PACSIN2: variants seen among roughly 807,000 people sequenced by gnomAD.
The protein encoded by PACSIN2 is protein kinase C and casein kinase substrate in neurons 2.
A neutral mutation model predicts 63.8 loss-of-function variants in PACSIN2; 25 were observed. That is an observed-to-expected ratio of 0.39 (90% confidence interval 0.29 to 0.55). The LOEUF (loss-of-function observed/expected upper bound fraction) is 0.55. Ranked by LOEUF, PACSIN2 falls within the 20% of genes least tolerant of loss-of-function variation. The pLI is 0.62. For synonymous variants in PACSIN2, 255 were observed against 256.2 expected, an observed-to-expected ratio of 1.00 and a Z score of 0.05; for missense variants, 518 against 646.9, an observed-to-expected ratio of 0.80 and a Z score of 2.16.
At chr22:42,920,628 G>A (rs1932120938) in intron 1 of PACSIN2, among the ~76,000 whole-genome samples, 1 of 152,046 alleles carries the variant, frequency 6.6e-6, no homozygotes, top group Non-Finnish European at 1.5e-5. Context: ...CATGGTGGAG[G>A]ACGTGCTGGA....
At chr22:42,981,906 G>T (rs1601601415) in intron 1 of PACSIN2, among the ~76,000 whole-genome samples, 1 of 81,672 alleles carries the variant, frequency 1.2e-5, no homozygotes, top group African/African-American at 4.7e-5. Flanking sequence ...CAGCCGCCCC[G>T]TCCGGGAGGT....
At chr22:42,940,348 C>G (rs12106537) in intron 1 of PACSIN2, among the ~76,000 whole-genome samples, 1 of 152,222 alleles carries the variant, frequency 6.6e-6, no homozygotes, top group South Asian at 2.1e-4. Context: ...GTCTTCATCT[C>G]TGAATCTCAG....
At chr22:42,954,707 G>A (rs989108712) in intron 1 of PACSIN2, among the ~76,000 whole-genome samples, 15 of 152,172 alleles carry the variant, frequency 9.9e-5, no homozygotes, top group African/African-American at 3.6e-4. Flanking sequence ...TTCAAGTCTG[G>A]AGAAAGGGAA....
At chr22:43,006,403 T>G (rs1924095332) in intron 1 of PACSIN2, among the ~76,000 whole-genome samples, 1 of 152,214 alleles carries the variant, frequency 6.6e-6, no homozygotes, top group Non-Finnish European at 1.5e-5. Context: ...AAGGGCTGTA[T>G]GACTCCAAAA....
intron 1 of PACSIN2, among the ~76,000 whole-genome samples, chr22:42,919,813 A>G (rs559481893): frequency 6.9e-6 from 1 of 144,800 alleles, no homozygotes; most frequent in African/African-American, 2.6e-5. Flanking sequence ...AAAGAAAGAA[A>G]AAGAAAAAGA....
intron 1 of PACSIN2, among the ~76,000 whole-genome samples, chr22:43,005,202 C>A: frequency 6.6e-6 from 1 of 152,204 alleles, no homozygotes; most frequent in Admixed American, 6.5e-5. Context: ...CATTTGCTTT[C>A]TAAGTCCTAT....
chr22:42,897,297 A>G (rs1242850391), intron 2 of PACSIN2, among the ~76,000 whole-genome samples: 2 of 152,032 alleles, frequency 1.3e-5, no homozygotes, highest in Admixed American at 6.5e-5. Context: ...AGTTTTTACA[A>G]TGCAAGAAAA....
intron 1 of PACSIN2, among the ~76,000 whole-genome samples, chr22:42,955,534 T>G (rs562972273): frequency 5.6e-4 from 85 of 152,156 alleles, no homozygotes; most frequent in African/African-American, 1.9e-3. Flanking sequence ...CCTCACATCA[T>G]GACTTTTCAT....
At chr22:42,926,745 C>T (rs1932560620) in intron 1 of PACSIN2, among the ~76,000 whole-genome samples, 1 of 151,780 alleles carries the variant, frequency 6.6e-6, no homozygotes, top group African/African-American at 2.4e-5. Flanking sequence ...GGTGGGAGGA[C>T]TGCTTGAGCC....
chr22:42,985,272 A>G (rs1279501290), intron 1 of PACSIN2, among the ~76,000 whole-genome samples: 1 of 152,216 alleles, frequency 6.6e-6, no homozygotes, highest in African/African-American at 2.4e-5. Flanking sequence ...GGTTGCAGTG[A>G]GCCGAGATCT....
At chr22:42,982,086 C>G (rs1922206501) in intron 1 of PACSIN2, among the ~76,000 whole-genome samples, 2 of 105,438 alleles carry the variant, frequency 1.9e-5, no homozygotes, top group Admixed American at 8.5e-5. Flanking sequence ...GAAGTGAGGA[C>G]CCCTCTGCCC....
rs766681987 is a variant in PACSIN2, at chr22:42,888,732, C to T, written c.520G>A (p.Ala174Thr). ...AGGGATGGGTCTGCCTTGCTGTTGGCTTCTCGTGAGATAGCCAGCTTCTCC... is the reference window on the plus strand; with the variant it reads ...AGGGATGGGTCTGCCTTGCTGTTGGTTTCTCGTGAGATAGCCAGCTTCTCC... ...KEEKLAISRE[A>T]NSKADPSLNP... is the part of the protein sequence containing the mutation. The change falls in exon 5 of 11, where the codon GCC becomes ACC. Residue 174 changes from alanine (A) to threonine (T), a missense_variant. Coordinates refer to ENST00000263246, the MANE Select transcript of PACSIN2 (RefSeq NM_001184970.3). 5 of 1,614,038 alleles carry T rather than the reference C, an allele frequency of 3.1e-6. No homozygotes were observed. In the South Asian group the frequency reaches 4.4e-5, roughly 14 times the overall value.
intron 1 of PACSIN2, among the ~76,000 whole-genome samples, chr22:42,941,686 T>C (rs1011588463): frequency 6.6e-6 from 1 of 152,238 alleles, no homozygotes; most frequent in Non-Finnish European, 1.5e-5. Flanking sequence ...ATTTGTATAC[T>C]ATCTTTGAAG....
At chr22:42,965,798 T>A (rs5759060) in intron 1 of PACSIN2, among the ~76,000 whole-genome samples, 1 of 152,094 alleles carries the variant, frequency 6.6e-6, no homozygotes, top group African/African-American at 2.4e-5. Flanking sequence ...GTGTCAGCAA[T>A]AGGTTTCAAT....
chr22:42,973,877 A>C (rs1921500550), intron 1 of PACSIN2, among the ~76,000 whole-genome samples: 1 of 152,250 alleles, frequency 6.6e-6, no homozygotes, highest in Non-Finnish European at 1.5e-5. Context: ...CCACGAGAGA[A>C]ATGGCAGCCT....
At chr22:42,890,229 T>G (rs1929805890) in intron 4 of PACSIN2, among the ~76,000 whole-genome samples, 1 of 152,062 alleles carries the variant, frequency 6.6e-6, no homozygotes, top group African/African-American at 2.4e-5. Context: ...CTCAATCTCC[T>G]GACCTCGTGA....
At chr22:43,012,120 G>A (rs902501384) in intron 1 of PACSIN2, among the ~76,000 whole-genome samples, 19 of 151,240 alleles carry the variant, frequency 1.3e-4, no homozygotes, top group African/African-American at 4.6e-4. Flanking sequence ...CTCCAGCCCG[G>A]GCGACAGAGC....
intron 1 of PACSIN2, among the ~76,000 whole-genome samples, chr22:42,917,966 G>C (rs1017774380): frequency 2.0e-5 from 3 of 152,080 alleles, no homozygotes; most frequent in Non-Finnish European, 4.4e-5. Flanking sequence ...TTTGTTGCAC[G>C]GGAACACTCA....
intron 1 of PACSIN2, among the ~76,000 whole-genome samples, chr22:42,984,762 A>G (rs927560275): frequency 5.9e-5 from 9 of 152,186 alleles, no homozygotes; most frequent in African/African-American, 2.2e-4. Context: ...TTATCTTAAC[A>G]CAAGGAGGGC....
Sources: allele counts gnomAD v4.1 joint callset (sites outside exome capture counted in the v4.1 genomes callset), GRCh38; gene constraint gnomAD v4.1.1; transcripts MANE v1.5; gene names NCBI Gene and HGNC (gene_info 2026-07-23, HGNC 2026-07-21).